Variants in PBX3 observed in about 807,000 individuals in gnomAD.
The protein encoded by PBX3 is pre-B-cell leukemia transcription factor 3.
A neutral mutation model predicts 48.5 loss-of-function variants in PBX3; 14 were observed. The observed-to-expected ratio is 0.29, with a 90% confidence interval of 0.19 to 0.45. The LOEUF is 0.45. Among genes scored for constraint, PBX3 ranks in the 20% least tolerant of loss-of-function variants. The pLI, the probability that PBX3 is intolerant of heterozygous loss-of-function variation, is 1.00. For missense variants in PBX3, 386 were observed against 546.7 expected (o/e 0.71, Z 2.93); for synonymous variants, 210 against 200.3 (o/e 1.05, Z -0.41).
chr9:125,893,021 ATACAT>A (rs1287483458), intron 2 of PBX3, among the ~76,000 whole-genome samples: 3 of 152,156 alleles, frequency 2.0e-5, no homozygotes, highest in African/African-American at 7.2e-5. Context: ...CTACACTACA[ATACAT>A]TAATTACTCC....
At chr9:125,935,742 C>T (rs772170234) in intron 5 of PBX3, 135 bp downstream of exon 5, 227 of 952,414 alleles carry the variant, frequency 2.4e-4, no homozygotes, top group Non-Finnish European at 3.3e-4. Context: ...GTAGATATTT[C>T]CACAGTTTTA....
chr9:125,946,671 A>G (rs1842070837), intron 5 of PBX3, among the ~76,000 whole-genome samples: 1 of 152,194 alleles, frequency 6.6e-6, no homozygotes, highest in African/African-American at 2.4e-5. Context: ...GATATTGAAG[A>G]ATACAGAGAC....
intron 5 of PBX3, among the ~76,000 whole-genome samples, chr9:125,941,565 T>C (rs1391503094): frequency 6.6e-6 from 1 of 152,206 alleles, no homozygotes; most frequent in Non-Finnish European, 1.5e-5. Flanking sequence ...ATTGTGAAGG[T>C]ACAGGGTTTC....
intron 2 of PBX3, among the ~76,000 whole-genome samples, chr9:125,887,263 C>T (rs1840523890): frequency 6.6e-6 from 1 of 152,100 alleles, no homozygotes; most frequent in African/African-American, 2.4e-5. Context: ...GCAGTGTGCT[C>T]TGTAGTAATT....
At chr9:125,779,892 A>AC (rs1375195906) in intron 2 of PBX3, among the ~76,000 whole-genome samples, 5 of 94,686 alleles carry the variant, frequency 5.3e-5, no homozygotes, top group Admixed American at 1.1e-4. Context: ...CGGGGGGCTG[A>AC]CCCCCCCACC....
intron 2 of PBX3, among the ~76,000 whole-genome samples, chr9:125,846,253 G>A (rs1839423892): frequency 1.3e-5 from 2 of 151,996 alleles, no homozygotes; most frequent in South Asian, 4.1e-4. Flanking sequence ...TGTGGGATAA[G>A]TGTTATTGTT....
chr9:125,853,726 A>G (rs1435681321), intron 2 of PBX3, among the ~76,000 whole-genome samples: 1 of 152,242 alleles, frequency 6.6e-6, no homozygotes, highest in African/African-American at 2.4e-5. Context: ...AAAGATTGCA[A>G]CTATTTGAGT....
chr9:125,807,729 A>G (rs1838168645), intron 2 of PBX3, among the ~76,000 whole-genome samples: 1 of 152,114 alleles, frequency 6.6e-6, no homozygotes, highest in Non-Finnish European at 1.5e-5. Flanking sequence ...ATGATAGTTC[A>G]TCAAACTTCT....
intron 5 of PBX3, among the ~76,000 whole-genome samples, chr9:125,943,146 C>T (rs766796028): frequency 1.8e-4 from 27 of 151,824 alleles, no homozygotes; most frequent in Non-Finnish European, 3.4e-4. Context: ...GCGGGTGGAT[C>T]GCCTGAGCTC....
intron 2 of PBX3, among the ~76,000 whole-genome samples, chr9:125,830,562 T>C (rs1838930452): frequency 6.6e-6 from 1 of 152,118 alleles, no homozygotes; most frequent in Non-Finnish European, 1.5e-5. Context: ...ATTGGCTACT[T>C]ACATAAAGAA....
chr9:125,946,339 C>T (rs1842063495), intron 5 of PBX3, among the ~76,000 whole-genome samples: 1 of 152,000 alleles, frequency 6.6e-6, no homozygotes. Context: ...GGCACACAAT[C>T]ACAGAAAGAA....
chr9:125,882,194 C>T (rs1389949374), intron 2 of PBX3, among the ~76,000 whole-genome samples: 4 of 151,766 alleles, frequency 2.6e-5, no homozygotes, highest in Non-Finnish European at 4.4e-5. Context: ...CACTGCATTG[C>T]AGCATGGGGG....
At chr9:125,920,682 A>G (rs1182607221) in intron 3 of PBX3, among the ~76,000 whole-genome samples, 3 of 152,226 alleles carry the variant, frequency 2.0e-5, no homozygotes, top group East Asian at 3.8e-4. Context: ...GCTGAAGGCA[A>G]AAGTGTTGTA....
chr9:125,863,872 G>A (rs920328673), intron 2 of PBX3, among the ~76,000 whole-genome samples: 8 of 151,840 alleles, frequency 5.3e-5, no homozygotes, highest in Middle Eastern at 3.2e-3. Flanking sequence ...TAATTCCCCA[G>A]TTAAGAACCT....
At position 125,747,533 on chromosome 9, in the gene PBX3, T is replaced by A; in HGVS notation, c.80T>A (p.Leu27Gln). 6.2e-7 allele frequency: 1 copy of A among 1,602,424 alleles called. No individual in the cohort carries two copies. Residue 27 changes from leucine (L) to glutamine (Q), a missense_variant, in exon 1 of 9, where the codon CTG (leucine) becomes CAG (glutamine). Transcript: ENST00000373489. ...AGHSVQGGMA[L>Q]PPPPHGHEGA... ...CACTCGGTGCAGGGGGGCATGGCCC[T>A]GCCGCCTCCCCCGCACGGCCACGAA...
chr9:125,862,698 T>A lies in PBX3; in HGVS notation c.275-52988T>A, dbSNP rs549221118. On this transcript the variant is annotated intron_variant, in intron 2 of 8. Coordinates refer to ENST00000373489, the MANE Select transcript of PBX3 (RefSeq NM_006195.6). ...CTGCCCCTGGCCAGTGGTGGAGTAC[T>A]TTTTAAGAAATGCTGTATCACCAAC... Among the ~76,000 whole-genome samples, 96 of 152,162 alleles carry A rather than the reference T, an allele frequency of 6.3e-4. 2 individuals are homozygous for A. In the South Asian group the frequency reaches 0.018, roughly 28 times the overall value.
chr9:125,931,032 T>C (rs546496560), intron 4 of PBX3, among the ~76,000 whole-genome samples: 2 of 152,338 alleles, frequency 1.3e-5, no homozygotes, highest in East Asian at 1.9e-4. Flanking sequence ...TTGGAAAATA[T>C]ATGGAATAAA....
intron 2 of PBX3, among the ~76,000 whole-genome samples, chr9:125,768,606 T>G (rs1836860998): frequency 6.6e-6 from 1 of 152,232 alleles, no homozygotes; most frequent in Admixed American, 6.5e-5. Context: ...TGTTTTACAC[T>G]TTTGCAAATC....
chr9:125,960,403 G>A (rs532234494), intron 5 of PBX3, among the ~76,000 whole-genome samples: 1 of 152,184 alleles, frequency 6.6e-6, no homozygotes, highest in South Asian at 2.1e-4. Flanking sequence ...TATACTAATC[G>A]GTATATAGCA....
Sources: gnomAD v4.1 joint callset for allele counts (sites outside exome capture counted in the v4.1 genomes callset) on GRCh38, gnomAD v4.1.1 for gene constraint, MANE v1.5 for transcripts, NCBI Gene and HGNC (gene_info 2026-07-23, HGNC 2026-07-21) for gene names.